DUSP8: variants seen among roughly 807,000 people sequenced by gnomAD.
The protein encoded by DUSP8 is dual specificity protein phosphatase 8.
Under a neutral mutation model 38.7 loss-of-function variants are expected in DUSP8, and 15 were observed. That is an observed-to-expected ratio of 0.39 (90% CI 0.26 to 0.60). The LOEUF (loss-of-function observed/expected upper bound fraction) is 0.60. Ranked by LOEUF, DUSP8 falls within the 20% of genes least tolerant of loss-of-function variation. DUSP8 has a pLI of 0.56. For missense variants in DUSP8, 768 were observed against 915.0 expected (o/e 0.84, Z 2.07); for synonymous variants, 458 against 433.9 (o/e 1.06, Z -0.69).
rs1449792066 is a variant in DUSP8, at chr11:1,572,164, G to A, written c.-372C>T. Among the ~76,000 whole-genome samples, 1 of 145,728 alleles carries A rather than the reference G, an allele frequency of 6.9e-6. No individual in the cohort carries two copies. Among genetic ancestry groups the A allele is most frequent in the African/African-American group, 2.5e-5 (1 of 40,758 alleles). ...CCCGCGGCTCGGCGGGCGCGGCCGG[G>A]AGGTTCCGGCGCGGCTCGGGCTCGG... On this transcript the variant is annotated 5_prime_UTR_variant, in exon 1 of 7. Transcript: ENST00000397374. This position sits in a 1 kb window ranked among gnomAD's most constrained non-coding sequence, Gnocchi z 4.7.
chr11:1,566,538 C>T (rs796208289), intron 1 of DUSP8, among the ~76,000 whole-genome samples: 11 of 152,276 alleles, frequency 7.2e-5, no homozygotes, highest in East Asian at 5.8e-4. Flanking sequence ...GGATAGCAGG[C>T]GGGTGCGGGA....
At chr11:1,562,724 C>G (rs576092929) in intron 3 of DUSP8, among the ~76,000 whole-genome samples, 1 of 152,172 alleles carries the variant, frequency 6.6e-6, no homozygotes, top group African/African-American at 2.4e-5. Context: ...CACATGCTCA[C>G]GTACACACTC....
In DUSP8 at chr11:1,557,016, G is replaced by A. The variant is rs933484343; in HGVS notation, c.1380C>T (p.Pro460=). ...CGGGGGAGCGCGCGGGGGAGCCGGCGGGGGGCCGGGGCCGCCGGCGGGGCC... is the reference window on the plus strand; with the variant it reads ...CGGGGGAGCGCGCGGGGGAGCCGGCAGGGGGCCGGGGCCGCCGGCGGGGCC... ...RPRPRRRPRP[P]AGSPARSPAH... is the part of the protein sequence containing the mutation. The change falls in exon 7 of 7, where the codon CCC becomes CCT. Residue 460 remains proline (P), a synonymous_variant. Coordinates refer to ENST00000397374, the MANE Select transcript of DUSP8 (RefSeq NM_004420.3). The surrounding 1 kb of genome is among the most constrained non-coding windows in gnomAD (Gnocchi z 9.9). The A allele has an allele frequency of 3.6e-5, 37 of 1,029,864 alleles. No individual in the cohort carries two copies. Among genetic ancestry groups the A allele is most frequent in the Admixed American group, 2.3e-4 (4 of 17,370 alleles). The allele number at this position is 1,029,864 out of a possible 1,614,324, so 63.8% of individuals were successfully genotyped here.
Position 1,558,172 on chromosome 11 carries a change from T to C in DUSP8, c.637A>G (p.Ile213Val), listed in dbSNP as rs1204921914. Residue 213 changes from isoleucine to valine, a missense_variant, in exon 5 of 7, where the codon ATC (isoleucine) becomes GTC (valine). Physicochemically the swap from Ile to Val is conservative, Grantham distance 29. Coordinates refer to ENST00000397374, the MANE Select transcript of DUSP8 (RefSeq NM_004420.3). This position sits in a 1 kb window ranked among gnomAD's most constrained non-coding sequence, Gnocchi z 6.3. ...AGTTTTTCACAGTAGTTGTCGTTGA[T>C]GGGGACCCGCATGAAGCGGCTCTCG... ...ICESRFMRVP[I>V]NDNYCEKLLP... 29 of 1,607,960 alleles carry C rather than the reference T, an allele frequency of 1.8e-5. No individual in the cohort carries two copies. Among genetic ancestry groups the C allele is most frequent in the Non-Finnish European group, 2.1e-5 (25 of 1,179,002 alleles).
At chr11:1,567,335 A>G (rs1316211114) in intron 1 of DUSP8, among the ~76,000 whole-genome samples, 1 of 152,200 alleles carries the variant, frequency 6.6e-6, no homozygotes, top group East Asian at 1.9e-4. Context: ...ACACCCATGC[A>G]CTGCAAACAG....
chr11:1,558,372 A>G lies in DUSP8; in HGVS notation c.538-101T>C, dbSNP rs775225938. 9.6e-5 allele frequency: 100 copies of G among 1,039,984 alleles called. No individual in the cohort carries two copies. The highest frequency in any genetic ancestry group is 1.3e-4 in the Non-Finnish European group (96 of 714,180). 64.4% of individuals were successfully genotyped at this position (1,039,984 alleles called of 1,614,324 possible). On this transcript the variant is annotated intron_variant, in intron 4 of 6. Transcript: ENST00000397374. The surrounding 1 kb of genome is among the most constrained non-coding windows in gnomAD (Gnocchi z 6.3). ...CCCTGCCGTCAGGAGGGCCTTTAGA[A>G]TCCTGGGAGCCTTGGAATTTGTCCC...
rs1848624884 is a variant in DUSP8, at chr11:1,556,463, T to C, written c.*55A>G. 18 of 1,231,138 alleles carry C rather than the reference T, an allele frequency of 1.5e-5. No individual in the cohort carries two copies. Among genetic ancestry groups the C allele is most frequent in the African/African-American group, 7.8e-5 (5 of 64,462 alleles). 76.3% of individuals were successfully genotyped at this position (1,231,138 alleles called of 1,614,324 possible). A position where few individuals can be genotyped will look rare whatever the true frequency, so the allele number is the denominator to read the frequency against. On this transcript the variant is annotated 3_prime_UTR_variant, in exon 7 of 7. Coordinates refer to ENST00000397374, the MANE Select transcript of DUSP8 (RefSeq NM_004420.3). The surrounding 1 kb of genome is among the most constrained non-coding windows in gnomAD (Gnocchi z 5.2). ...TTACCTTTCTTTGCATTATATATAA[T>C]ATACATTTATAACGGGCCTGGCTGC...
At position 1,558,813 on chromosome 11, in the gene DUSP8, G is replaced by C; in HGVS notation, c.537+76C>G. ...CAGCTCCTTTCCTCCCTCATCCCCC[G>C]CTCCGCTGCCAAGCTGCTTCTGGAG... On this transcript the variant is annotated intron_variant, in intron 4 of 6. Coordinates refer to ENST00000397374, the MANE Select transcript of DUSP8 (RefSeq NM_004420.3). This position sits in a 1 kb window ranked among gnomAD's most constrained non-coding sequence, Gnocchi z 6.3. 1 of 1,500,188 alleles carries C rather than the reference G, an allele frequency of 6.7e-7. No individual in the cohort carries two copies. Among genetic ancestry groups the C allele is most frequent in the Non-Finnish European group, 9.0e-7 (1 of 1,111,756 alleles). The allele number at this position is 1,500,188 out of a possible 1,614,324, so 92.9% of individuals were successfully genotyped here.
At chr11:1,566,786 G>C (rs1172891351) in intron 1 of DUSP8, among the ~76,000 whole-genome samples, 1 of 152,152 alleles carries the variant, frequency 6.6e-6, no homozygotes, top group African/African-American at 2.4e-5. Context: ...TCAGTGTCGG[G>C]GACCCCGCAG....
chr11:1,566,044 TGTGCCC>T, intron 1 of DUSP8, 110 bp from the exon 2 acceptor site: 1 of 558,428 alleles, frequency 1.8e-6, no homozygotes, highest in South Asian at 2.5e-5. Context: ...CACACCAACA[TGTGCCC>T]GTGGGAACCC....
rs758073690 is a variant in DUSP8 at position 1,563,873 on chromosome 11, G to A, written c.348C>T (p.Phe116=). The part of the protein sequence containing the change: ...SILLSKLDGC[F]DSVAILTGGF... ...CACCAGTGAGGATGGCCACGCTGTC[G>A]AAGCAGCCGTCCAGCTTGCTCAGCA... is the stretch of plus-strand genomic sequence containing the variant. Residue 116 remains phenylalanine, a synonymous_variant, in exon 3 of 7, where the codon TTC becomes TTT. Coordinates refer to ENST00000397374, the MANE Select transcript of DUSP8 (RefSeq NM_004420.3). 1.7e-5 allele frequency: 27 copies of A among 1,544,002 alleles called. No individual in the cohort carries two copies. Among genetic ancestry groups the A allele is most frequent in the African/African-American group, 1.6e-4 (12 of 73,042 alleles).
chr11:1,563,746 A>C, intron 3 of DUSP8, 105 bp downstream of exon 3: 1 of 1,231,026 alleles, frequency 8.1e-7, no homozygotes, highest in Non-Finnish European at 1.1e-6. Flanking sequence ...AGATGTATGG[A>C]GATCCCCCCG....
In DUSP8 at chr11:1,555,392, C is replaced by T. The variant is rs1236788412; in HGVS notation, c.*1126G>A. 15 of 986,896 alleles carry T rather than the reference C, an allele frequency of 1.5e-5. No homozygotes were observed. Among genetic ancestry groups the T allele is most frequent in the Admixed American group, 6.1e-5 (1 of 16,278 alleles). The allele number at this position is 986,896 out of a possible 1,614,324, so 61.1% of individuals were successfully genotyped here. A position where few individuals can be genotyped will look rare whatever the true frequency, so the allele number is the denominator to read the frequency against. On this transcript the variant is annotated 3_prime_UTR_variant, in exon 7 of 7. Coordinates refer to ENST00000397374, the MANE Select transcript of DUSP8 (RefSeq NM_004420.3). ...CCCAGCAGCACAGGGGCTTGGCTGGCGCCTGAACTCCCTGTGTGAGCAGCA... is the reference window on the plus strand; with the variant it reads ...CCCAGCAGCACAGGGGCTTGGCTGGTGCCTGAACTCCCTGTGTGAGCAGCA...
Position 1,556,946 on chromosome 11 carries a change from G to A in DUSP8, c.1450C>T (p.Pro484Ser). 9.3e-7 allele frequency: 1 copy of A among 1,073,240 alleles called. No homozygotes were observed. The highest frequency in any genetic ancestry group is 1.1e-6 in the Non-Finnish European group (1 of 887,844). The allele number at this position is 1,073,240 out of a possible 1,614,324, so 66.5% of individuals were successfully genotyped here. The change falls in exon 7 of 7, where the codon CCG becomes TCG. Residue 484 changes from proline to serine, a missense_variant. Pro to Ser is a moderately conservative substitution (Grantham distance 74). This residue lies in a region of DUSP8 where 474 missense variants were observed against 430.8 expected (regional missense o/e 1.10). Coordinates refer to ENST00000397374, the MANE Select transcript of DUSP8 (RefSeq NM_004420.3). The surrounding 1 kb of genome is among the most constrained non-coding windows in gnomAD (Gnocchi z 5.2). ...GACAGGGCCGAGAGGCCGTGCCGCG[G>A]AGTCTGCCGGGCCGCATCGCCGAAG... ...LNFGDAARQT[P>S]RHGLSALSAP... is the part of the protein sequence containing the mutation.
At chr11:1,561,410 C>T (rs2008493) in intron 3 of DUSP8, among the ~76,000 whole-genome samples, 82,286 of 152,124 alleles carry the variant, frequency 0.54, 22,665 homozygotes, top group African/African-American at 0.56. Flanking sequence ...ACCTCCATGA[C>T]CCCTGGACTC....
chr11:1,558,285 A>T lies in DUSP8; in HGVS notation c.538-14T>A. 2.6e-5 allele frequency: 1 copy of T among 38,648 alleles called. No homozygotes were observed. The highest frequency in any genetic ancestry group is 1.4e-4 in the South Asian group (1 of 7,404). 2.4% of individuals were successfully genotyped at this position (38,648 alleles called of 1,614,324 possible). The stretch of plus-strand genomic sequence containing the variant: ...CGTCATCAGATCCTGGAGGGGCGGG[A>T]GGGCGGGTTGGAAAGGGGTGGGAGA... On this transcript the variant is annotated splice_polypyrimidine_tract_variant and intron_variant, in intron 4 of 6. Transcript: ENST00000397374. The surrounding 1 kb of genome is among the most constrained non-coding windows in gnomAD (Gnocchi z 6.3).
chr11:1,556,620 G>C lies in DUSP8; in HGVS notation c.1776C>G (p.Phe592Leu). ...CGCGCCCCTCCACCATGCCCTCCTC[G>C]AACTCCATCTGGCAGCTGCGGCGCT... is the stretch of plus-strand genomic sequence containing the variant. ...QFKRRSCQME[F>L]EEGMVEGRAR... The change falls in exon 7 of 7, where the codon TTC becomes TTG. Residue 592 changes from phenylalanine (F) to leucine (L), a missense_variant. Transcript: ENST00000397374. This position sits in a 1 kb window ranked among gnomAD's most constrained non-coding sequence, Gnocchi z 5.2. 2 of 1,436,120 alleles carry C rather than the reference G, an allele frequency of 1.4e-6. No homozygotes were observed. Among genetic ancestry groups the C allele is most frequent in the Non-Finnish European group, 1.8e-6 (2 of 1,095,018 alleles). 89.0% of individuals were successfully genotyped at this position (1,436,120 alleles called of 1,614,324 possible). A position where few individuals can be genotyped will look rare whatever the true frequency, so the allele number is the denominator to read the frequency against.
intron 3 of DUSP8, among the ~76,000 whole-genome samples, chr11:1,561,851 C>T (rs900314693): frequency 1.3e-5 from 2 of 152,162 alleles, no homozygotes; most frequent in African/African-American, 2.4e-5. Flanking sequence ...CCTGGTTCTT[C>T]GCAGAGCCAG....
At chr11:1,565,526 C>T in intron 2 of DUSP8, 70 bp downstream of exon 2, 1 of 1,276,030 alleles carries the variant, frequency 7.8e-7, no homozygotes, top group Admixed American at 2.0e-5. Flanking sequence ...GGGGGTGCTG[C>T]CCGAGCTGAG....
Sources: allele counts gnomAD v4.1 joint callset (sites outside exome capture counted in the v4.1 genomes callset), GRCh38; gene constraint gnomAD v4.1.1; regional missense constraint gnomAD v4.1.1; non-coding constraint Gnocchi (gnomAD v3.1); transcripts MANE v1.5; gene names NCBI Gene and HGNC (gene_info 2026-07-23, HGNC 2026-07-21).